PTPRG: variants seen among roughly 807,000 people sequenced by gnomAD.
The protein encoded by PTPRG is receptor-type tyrosine-protein phosphatase gamma.
Under a neutral mutation model 165.3 loss-of-function variants are expected in PTPRG, and 102 were observed. The ratio of observed to expected loss-of-function variants is 0.62; its 90% CI spans 0.53 to 0.73. The LOEUF (loss-of-function observed/expected upper bound fraction) is 0.73, where lower values mean the gene tolerates loss of function less well. PTPRG is among the 30% of genes least tolerant of loss of function. The pLI, the probability that PTPRG is intolerant of heterozygous loss-of-function variation, is 0.00. For synonymous variants in PTPRG, 675 were observed against 669.5 expected, an observed-to-expected ratio of 1.01 and a Z score of -0.13; for missense variants, 1,866 against 1,861.4, an observed-to-expected ratio of 1.00 and a Z score of -0.05.
Position 62,110,499 on chromosome 3 carries a change from T to C in PTPRG, c.616-22103T>C, listed in dbSNP as rs371341190. On this transcript the variant is annotated intron_variant, in intron 5 of 29. Transcript: ENST00000474889. ...CATTTATCCACTCAGTAGAGATTTA[T>C]TCAGTAACGTCTGCAGGCTTGGCAT... Among the ~76,000 whole-genome samples the C allele has an allele frequency of 2.0e-5, 3 of 151,936 alleles. No individual in the cohort carries two copies. In the East Asian group the frequency reaches 5.8e-4, roughly 29 times the overall value.
intron 2 of PTPRG, among the ~76,000 whole-genome samples, chr3:61,987,214 T>C (rs2040783995): frequency 6.6e-6 from 1 of 152,208 alleles, no homozygotes; most frequent in South Asian, 2.1e-4. Flanking sequence ...GAAGAATTAA[T>C]TTGAAATCTG....
At chr3:61,797,606 G>A (rs1300376030) in intron 2 of PTPRG, among the ~76,000 whole-genome samples, 3 of 66,622 alleles carry the variant, frequency 4.5e-5, no homozygotes, top group South Asian at 6.5e-4. Context: ...CCCACCTCCC[G>A]CCTTCCTTTG....
intron 2 of PTPRG, among the ~76,000 whole-genome samples, chr3:61,964,742 G>A (rs1011186645): frequency 2.0e-5 from 3 of 152,022 alleles, no homozygotes; most frequent in African/African-American, 7.3e-5. Context: ...GCGTGGCTCA[G>A]CCTGAGCTTC....
At chr3:62,265,173 A>G (rs1370270397) in intron 17 of PTPRG, among the ~76,000 whole-genome samples, 1 of 152,154 alleles carries the variant, frequency 6.6e-6, no homozygotes, top group Non-Finnish European at 1.5e-5. Flanking sequence ...AGTTCTTTAT[A>G]TATTCTGGAT....
chr3:61,757,626 C>T (rs1015218949), intron 2 of PTPRG, among the ~76,000 whole-genome samples: 5 of 152,098 alleles, frequency 3.3e-5, no homozygotes, highest in African/African-American at 9.7e-5. Flanking sequence ...TTGAGCAAAG[C>T]AGTAAATATT....
At chr3:61,985,466 C>T (rs937723163) in intron 2 of PTPRG, among the ~76,000 whole-genome samples, 9 of 152,194 alleles carry the variant, frequency 5.9e-5, no homozygotes, top group African/African-American at 1.9e-4. Flanking sequence ...ACTTACTGAA[C>T]TTTTAGTGTT....
intron 2 of PTPRG, among the ~76,000 whole-genome samples, chr3:61,899,479 T>TA (rs1169793335): frequency 6.6e-6 from 1 of 152,214 alleles, no homozygotes; most frequent in East Asian, 1.9e-4. Context: ...AGTGATTTCA[T>TA]ATGGCCTTTT....
chr3:62,279,653 C>G (rs1035043821), intron 26 of PTPRG, among the ~76,000 whole-genome samples: 3 of 152,038 alleles, frequency 2.0e-5, no homozygotes, highest in Non-Finnish European at 4.4e-5. Flanking sequence ...TTACAGACTT[C>G]TTTTGTATAG....
At position 62,198,771 on chromosome 3, in the gene PTPRG, A is replaced by G. The variant is rs576664436; in HGVS notation, c.1328-2734A>G. ...TCAATGATATTCCAAAATAGCTACAACAACTCTAAGGCAGTAAGAAAATAT... is the reference window on the plus strand; with the variant it reads ...TCAATGATATTCCAAAATAGCTACAGCAACTCTAAGGCAGTAAGAAAATAT... On this transcript the variant is annotated intron_variant, in intron 10 of 29. Coordinates refer to ENST00000474889, the MANE Select transcript of PTPRG (RefSeq NM_002841.4). Among the ~76,000 whole-genome samples, 15 of 152,382 alleles carry G rather than the reference A, an allele frequency of 9.8e-5. No homozygotes were observed. The South Asian group carries it at 3.1e-3, about 32-fold the overall frequency.
intron 1 of PTPRG, chr3:61,742,422 T>TTTTTTAAC: frequency 7.6e-7 from 1 of 1,316,844 alleles, no homozygotes; most frequent in Non-Finnish European, 1.0e-6. Flanking sequence ...TTTTTTTTTT[T>TTTTTTAAC]TGAACTGGTA....
chr3:61,941,331 G>C (rs1438170855), intron 2 of PTPRG, among the ~76,000 whole-genome samples: 3 of 152,226 alleles, frequency 2.0e-5, no homozygotes, highest in African/African-American at 7.2e-5. Context: ...CAGTTAAGAG[G>C]TCAGTGATTT....
intron 4 of PTPRG, among the ~76,000 whole-genome samples, chr3:62,030,522 G>T (rs1447621757): frequency 6.6e-6 from 1 of 152,152 alleles, no homozygotes. Flanking sequence ...GTCAGCTTGG[G>T]CATGTTTCAT....
intron 2 of PTPRG, among the ~76,000 whole-genome samples, chr3:61,851,606 T>G (rs1326731341): frequency 1.3e-5 from 2 of 152,232 alleles, no homozygotes; most frequent in African/African-American, 4.8e-5. Flanking sequence ...TTGAATCAGG[T>G]ATCTATTTTT....
chr3:62,237,290 G>T lies in PTPRG; in HGVS notation c.2375+5979G>T, dbSNP rs574647635. 4.4e-4 allele frequency among the ~76,000 whole-genome samples: 67 copies of T among 152,100 alleles called. No individual in the cohort carries two copies. Among genetic ancestry groups the T allele is most frequent in the African/African-American group, 1.5e-3 (61 of 41,470 alleles). ...GAAATGGGGGGTCAGAAGTCTAGAG[G>T]TTTTTTTGTTTGTTTGTTTTGGTTA... On this transcript the variant is annotated intron_variant, in intron 14 of 29. Transcript: ENST00000474889. This position sits in a 1 kb window ranked among gnomAD's most constrained non-coding sequence, Gnocchi z 4.5.
intron 1 of PTPRG, among the ~76,000 whole-genome samples, chr3:61,656,377 A>G (rs781338155): frequency 2.6e-5 from 4 of 152,212 alleles, no homozygotes; most frequent in Non-Finnish European, 5.9e-5. Context: ...AAATGCCTCC[A>G]TAGCCCCCAA....
chr3:61,856,091 C>T (rs973927621), intron 2 of PTPRG, among the ~76,000 whole-genome samples: 2 of 151,980 alleles, frequency 1.3e-5, no homozygotes, highest in African/African-American at 4.8e-5. Context: ...AAGTGTGATG[C>T]CCTCAGTCTC....
Position 62,224,583 on chromosome 3 carries a change from C to T in PTPRG, c.2288+5600C>T, listed in dbSNP as rs945687511. On this transcript the variant is annotated intron_variant, in intron 13 of 29. Transcript: ENST00000474889. The surrounding 1 kb of genome is among the most constrained non-coding windows in gnomAD (Gnocchi z 4.9). ...CCACAGTATTCTTAAATATTTAAAC[C>T]CATTGGTATCATTGAATTATGTATA... 6.6e-6 allele frequency among the ~76,000 whole-genome samples: 1 copy of T among 152,104 alleles called. No homozygotes were observed. The highest frequency in any genetic ancestry group is 1.5e-5 in the Non-Finnish European group (1 of 68,036).
At chr3:61,825,527 G>C (rs1369334597) in intron 2 of PTPRG, among the ~76,000 whole-genome samples, 2 of 152,158 alleles carry the variant, frequency 1.3e-5, no homozygotes, top group Non-Finnish European at 2.9e-5. Flanking sequence ...CTAGCAGTTA[G>C]TTACTAGATT....
intron 16 of PTPRG, among the ~76,000 whole-genome samples, chr3:62,261,383 C>A (rs1411928161): frequency 6.6e-6 from 1 of 152,144 alleles, no homozygotes; most frequent in Non-Finnish European, 1.5e-5. Flanking sequence ...CATGTTCTTA[C>A]GTAGACTGAT....
Sources: allele counts gnomAD v4.1 joint callset (sites outside exome capture counted in the v4.1 genomes callset), GRCh38; gene constraint gnomAD v4.1.1; non-coding constraint Gnocchi (gnomAD v3.1); transcripts MANE v1.5; gene names NCBI Gene and HGNC (gene_info 2026-07-23, HGNC 2026-07-21).